MEI4: variants seen among roughly 807,000 people sequenced by gnomAD.
MEI4 encodes meiosis-specific protein MEI4.
In MEI4, 27 loss-of-function variants were observed where a neutral mutation model predicts 31.4. The ratio of observed to expected loss-of-function variants is 0.86; its 90% CI spans 0.63 to 1.19. MEI4 has a LOEUF of 1.19. Among genes scored for constraint, MEI4 ranks in the 50% most tolerant of loss-of-function variants. The pLI, the probability that MEI4 is intolerant of heterozygous loss-of-function variation, is 0.00. For synonymous variants in MEI4, 122 were observed against 145.4 expected (o/e 0.84, Z 1.16); for missense variants, 329 against 398.9 (o/e 0.82, Z 1.49).
At chr6:77,754,274 A>C (rs1321308831) in intron 2 of MEI4, among the ~76,000 whole-genome samples, 6 of 152,124 alleles carry the variant, frequency 3.9e-5, no homozygotes, top group African/African-American at 1.4e-4. Context: ...ATAAATAATA[A>C]GTGAAGCTCA....
chr6:77,896,679 C>G (rs533055771), intron 4 of MEI4, among the ~76,000 whole-genome samples: 2 of 151,882 alleles, frequency 1.3e-5, no homozygotes, highest in Non-Finnish European at 2.9e-5. Flanking sequence ...TTAAAATAAT[C>G]AATTCATATT....
intron 2 of MEI4, among the ~76,000 whole-genome samples, chr6:77,749,628 C>T (rs772368698): frequency 1.0e-5 from 1 of 96,822 alleles, no homozygotes; most frequent in Non-Finnish European, 2.0e-5. Context: ...GTGAAAAGAA[C>T]AAATCTATGC....
chr6:77,659,937 A>C (rs1394075606), intron 1 of MEI4, among the ~76,000 whole-genome samples: 1 of 152,196 alleles, frequency 6.6e-6, no homozygotes, highest in Non-Finnish European at 1.5e-5. Context: ...TGGGGGGAGT[A>C]GAGTTAATAT....
chr6:77,690,592 A>T, intron 1 of MEI4, 66 bp from the exon 2 acceptor site: 1 of 704,156 alleles, frequency 1.4e-6, no homozygotes, highest in Non-Finnish European at 2.0e-6. Context: ...AATCAATTTT[A>T]AGCAAATGAA....
intron 2 of MEI4, among the ~76,000 whole-genome samples, chr6:77,750,304 C>T (rs921147263): frequency 2.0e-5 from 3 of 152,110 alleles, no homozygotes; most frequent in African/African-American, 7.2e-5. Flanking sequence ...CTAAATGCCC[C>T]AGTTAAATGA....
chr6:77,753,691 G>T (rs539734579), intron 2 of MEI4, among the ~76,000 whole-genome samples: 2 of 152,250 alleles, frequency 1.3e-5, no homozygotes, highest in South Asian at 4.1e-4. Flanking sequence ...AAGACAGTAG[G>T]TCGATTCCTC....
At chr6:77,865,792 A>G (rs6902476) in intron 4 of MEI4, among the ~76,000 whole-genome samples, 364 of 152,258 alleles carry the variant, frequency 2.4e-3, no homozygotes, top group African/African-American at 8.5e-3. Flanking sequence ...AGAATTTTAG[A>G]CCAATACCCC....
intron 4 of MEI4, among the ~76,000 whole-genome samples, chr6:77,920,349 G>A (rs965112122): frequency 6.6e-5 from 10 of 152,014 alleles, no homozygotes; most frequent in South Asian, 4.1e-4. Flanking sequence ...TTCAATATAC[G>A]CAAATCAATA....
intron 4 of MEI4, among the ~76,000 whole-genome samples, chr6:77,855,432 G>A (rs151116323): frequency 0.01 from 1,526 of 152,232 alleles, 26 homozygotes; most frequent in African/African-American, 0.035. Context: ...GAGGTTCAAA[G>A]AAGATGGAAA....
chr6:77,704,287 T>C (rs1413707135), intron 2 of MEI4, among the ~76,000 whole-genome samples: 1 of 152,238 alleles, frequency 6.6e-6, no homozygotes, highest in Non-Finnish European at 1.5e-5. Flanking sequence ...ATCTGTGTCC[T>C]GGCCCCATTG....
chr6:77,863,455 A>G (rs1021779817), intron 4 of MEI4, among the ~76,000 whole-genome samples: 2 of 152,094 alleles, frequency 1.3e-5, no homozygotes, highest in African/African-American at 4.8e-5. Context: ...TCAGTAGCCA[A>G]CTCGATCAAC....
At chr6:77,806,380 G>T (rs994984370) in intron 3 of MEI4, among the ~76,000 whole-genome samples, 1 of 152,024 alleles carries the variant, frequency 6.6e-6, no homozygotes, top group Non-Finnish European at 1.5e-5. Flanking sequence ...AAACCCTTTG[G>T]TTACAGGTTA....
rs565725233 is a variant in MEI4 at position 77,832,717 on chromosome 6, C to A, written c.900+3655C>A. Reference sequence around the variant, plus strand: ...GGAAGTACAGCACCAGTCTGTTGAACCCACAAAGTCTGACTCTATAATCTA... The same window carrying A: ...GGAAGTACAGCACCAGTCTGTTGAAACCACAAAGTCTGACTCTATAATCTA... On this transcript the variant is annotated intron_variant, in intron 4 of 4. Transcript: ENST00000684080. Among the ~76,000 whole-genome samples the A allele has an allele frequency of 2.9e-3, 440 of 152,098 alleles. 3 individuals carry two copies. The highest frequency in any genetic ancestry group is 0.01 in the African/African-American group (417 of 41,524).
chr6:77,764,108 G>A (rs1158072742), intron 3 of MEI4, among the ~76,000 whole-genome samples: 5 of 152,046 alleles, frequency 3.3e-5, no homozygotes, highest in Admixed American at 2.0e-4. Context: ...CACCACACCC[G>A]GCCTGTTGGG....
chr6:77,679,032 G>A lies in MEI4; in HGVS notation c.-14-11626G>A, dbSNP rs1477413519. Among the ~76,000 whole-genome samples, 3 of 152,214 alleles carry A rather than the reference G, an allele frequency of 2.0e-5. No individual in the cohort carries two copies. In the South Asian group the frequency reaches 6.2e-4, roughly 32 times the overall value. The stretch of plus-strand genomic sequence containing the variant: ...AATGTATTGGATATGGCTATACAAT[G>A]TATATATGTTTCCAAGCTAAGTGTA... On this transcript the variant is annotated intron_variant, in intron 1 of 4. Transcript: ENST00000684080.
intron 3 of MEI4, among the ~76,000 whole-genome samples, chr6:77,797,450 C>G (rs1477837576): frequency 6.6e-6 from 1 of 152,024 alleles, no homozygotes; most frequent in African/African-American, 2.4e-5. Flanking sequence ...TTGGCTTACA[C>G]GATCATAAGG....
At chr6:77,922,581 C>T (rs75510770) in intron 4 of MEI4, among the ~76,000 whole-genome samples, 1,873 of 151,230 alleles carry the variant, frequency 0.012, 46 homozygotes, top group African/African-American at 0.044. Flanking sequence ...GATGCATCTA[C>T]ATTTCTTCTC....
rs561142646 is a variant in MEI4, at chr6:77,699,052, G to C, written c.232+8149G>C. Among the ~76,000 whole-genome samples, 3 of 152,072 alleles carry C rather than the reference G, an allele frequency of 2.0e-5. No individual in the cohort carries two copies. The East Asian group carries it at 5.8e-4, about 29-fold the overall frequency. Reference sequence around the variant, plus strand: ...ATCACTGATACCCTTTCTTCCAGTTGATCGCATCGGCTCCTGAGGCTTCTG... The same window carrying C: ...ATCACTGATACCCTTTCTTCCAGTTCATCGCATCGGCTCCTGAGGCTTCTG... On this transcript the variant is annotated intron_variant, in intron 2 of 4. Transcript: ENST00000684080.
chr6:77,791,447 T>C (rs569434206), intron 3 of MEI4, among the ~76,000 whole-genome samples: 246 of 146,036 alleles, frequency 1.7e-3, no homozygotes, highest in African/African-American at 4.4e-3. Flanking sequence ...AACCAAACAC[T>C]GCATATTCTC....
Sources: gnomAD v4.1 joint callset for allele counts (sites outside exome capture counted in the v4.1 genomes callset) on GRCh38, gnomAD v4.1.1 for gene constraint, MANE v1.5 for transcripts, NCBI Gene and HGNC (gene_info 2026-07-23, HGNC 2026-07-21) for gene names.